SRGAP3: variants seen among roughly 807,000 people sequenced by gnomAD.
SRGAP3 encodes SLIT-ROBO Rho GTPase-activating protein 3.
Under a neutral mutation model 121.1 loss-of-function variants are expected in SRGAP3, and 39 were observed. The observed-to-expected ratio is 0.32, with a 90% CI of 0.25 to 0.42. The LOEUF is 0.42. Ranked by LOEUF, SRGAP3 falls within the 10% of genes least tolerant of loss-of-function variation. SRGAP3 has a pLI of 1.00. For missense variants in SRGAP3, 1,213 were observed against 1,470.6 expected (o/e 0.82, Z 2.86); for synonymous variants, 601 against 570.0 (o/e 1.05, Z -0.77).
At chr3:9,268,136 G>C (rs1303500864) in intron 3 of SRGAP3, among the ~76,000 whole-genome samples, 1 of 152,162 alleles carries the variant, frequency 6.6e-6, no homozygotes, top group African/African-American at 2.4e-5. Flanking sequence ...GCCATGGACA[G>C]AGCTGTGTCC....
At chr3:9,110,405 G>A (rs2124931563) in intron 2 of SRGAP3, among the ~76,000 whole-genome samples, 1 of 152,366 alleles carries the variant, frequency 6.6e-6, no homozygotes, top group African/African-American at 2.4e-5. Context: ...GAAGCCAGCA[G>A]CAAGGAGTTG....
intron 14 of SRGAP3, among the ~76,000 whole-genome samples, chr3:9,023,494 C>A (rs1197753865): frequency 6.6e-6 from 1 of 152,172 alleles, no homozygotes; most frequent in Non-Finnish European, 1.5e-5. Flanking sequence ...CTTCAAGCCT[C>A]AGCTTAGGCA....
intron 1 of SRGAP3, among the ~76,000 whole-genome samples, chr3:9,362,136 A>G (rs1327116035): frequency 6.6e-6 from 1 of 150,674 alleles, no homozygotes; most frequent in African/African-American, 2.4e-5. Context: ...CCAGTCTGTC[A>G]AAATGGCTAC....
intron 14 of SRGAP3, among the ~76,000 whole-genome samples, chr3:9,022,486 G>A (rs1199872913): frequency 6.6e-6 from 1 of 152,200 alleles, no homozygotes. Context: ...CCACCCCGTC[G>A]CCAGGGAAAC....
At chr3:9,024,071 G>T (rs1056191882) in intron 14 of SRGAP3, among the ~76,000 whole-genome samples, 6 of 152,128 alleles carry the variant, frequency 3.9e-5, no homozygotes, top group African/African-American at 1.4e-4. Flanking sequence ...GTAATAAGTA[G>T]GAAGAATTCT....
At chr3:9,048,265 G>C (rs1162633004) in intron 9 of SRGAP3, among the ~76,000 whole-genome samples, 2 of 152,260 alleles carry the variant, frequency 1.3e-5, no homozygotes, top group Admixed American at 6.5e-5. Context: ...ACAGGTGCCA[G>C]CTTCCCCCAC....
At chr3:9,065,077 A>AT (rs1946365703) in intron 4 of SRGAP3, among the ~76,000 whole-genome samples, 1 of 152,126 alleles carries the variant, frequency 6.6e-6, no homozygotes, top group Admixed American at 6.5e-5. Context: ...TGAATGGGAA[A>AT]CATCCTTCTT....
chr3:9,306,070 ATC>A (rs201352155), intron 3 of SRGAP3, among the ~76,000 whole-genome samples: 3,138 of 152,254 alleles, frequency 0.021, 82 homozygotes, highest in East Asian at 0.077. Context: ...CCTCTCCATC[ATC>A]TGTTGTTTCT....
intron 1 of SRGAP3, among the ~76,000 whole-genome samples, chr3:9,150,098 G>A (rs547671242): frequency 6.6e-6 from 1 of 152,292 alleles, no homozygotes; most frequent in African/African-American, 2.4e-5. Context: ...GATAGGGCAA[G>A]TGCAGGGCAC....
chr3:9,345,964 T>C (rs1955883800), intron 1 of SRGAP3, among the ~76,000 whole-genome samples: 1 of 152,182 alleles, frequency 6.6e-6, no homozygotes, highest in Admixed American at 6.5e-5. Flanking sequence ...CTTTAATTCT[T>C]ACAGCAAATG....
At chr3:9,189,020 T>C (rs1397783288) in intron 1 of SRGAP3, among the ~76,000 whole-genome samples, 1 of 152,216 alleles carries the variant, frequency 6.6e-6, no homozygotes, top group Admixed American at 6.5e-5. Context: ...CAGTGACTGC[T>C]ACAGGGTCTT....
chr3:9,079,759 G>C (rs1947152104), intron 4 of SRGAP3, among the ~76,000 whole-genome samples: 1 of 152,182 alleles, frequency 6.6e-6, no homozygotes, highest in Admixed American at 6.5e-5. Flanking sequence ...GTTCTTGCAG[G>C]TAACACGCCC....
intron 18 of SRGAP3, among the ~76,000 whole-genome samples, chr3:9,000,609 T>C (rs1464124511): frequency 6.6e-6 from 1 of 152,162 alleles, no homozygotes; most frequent in East Asian, 1.9e-4. Flanking sequence ...GGCAATCCAG[T>C]GATGGTTCAT....
exon 3 of SRGAP3, chr3:9,326,051 G>A (rs1955512625): frequency 6.6e-6 from 1 of 151,774 alleles, no homozygotes; most frequent in Non-Finnish European, 1.5e-5. Flanking sequence ...GAGTGTGGAG[G>A]GACCTTTCTC....
At chr3:9,004,719 C>G (rs1245973409) in intron 18 of SRGAP3, among the ~76,000 whole-genome samples, 1 of 152,090 alleles carries the variant, frequency 6.6e-6, no homozygotes, top group Non-Finnish European at 1.5e-5. Context: ...ACTGGAGAGC[C>G]ACATACAAAG....
chr3:9,148,262 C>A (rs1365515468), intron 1 of SRGAP3, among the ~76,000 whole-genome samples: 2 of 141,622 alleles, frequency 1.4e-5, no homozygotes, highest in East Asian at 4.1e-4. Flanking sequence ...GAAGAAAACG[C>A]CCTAGAAAAA....
At chr3:9,315,521 A>C (rs974990451) in intron 3 of SRGAP3, among the ~76,000 whole-genome samples, 1 of 152,188 alleles carries the variant, frequency 6.6e-6, no homozygotes, top group Non-Finnish European at 1.5e-5. Flanking sequence ...CTTGAAACGA[A>C]AGGAAGGGTA....
chr3:9,157,777 T>C lies in SRGAP3; in HGVS notation c.68-32860A>G, dbSNP rs115907770. Among the ~76,000 whole-genome samples the C allele has an allele frequency of 8.5e-3, 1,288 of 152,348 alleles. 12 individuals are homozygous for C. Among genetic ancestry groups the C allele is most frequent in the African/African-American group, 0.028 (1,154 of 41,578 alleles). On this transcript the variant is annotated intron_variant, in intron 1 of 21. Transcript: ENST00000383836. ...AGGCTAAACAGTTGAGGACAACTTA[T>C]ACATCTATAACCCACACATATGTAT...
chr3:9,050,854 C>T (rs1945533043), intron 9 of SRGAP3, among the ~76,000 whole-genome samples: 1 of 152,136 alleles, frequency 6.6e-6, no homozygotes, highest in Admixed American at 6.5e-5. Flanking sequence ...TGTTTTCTTC[C>T]TTGACAGGGT....
Sources: gnomAD v4.1 joint callset for allele counts (sites outside exome capture counted in the v4.1 genomes callset) on GRCh38, gnomAD v4.1.1 for gene constraint, MANE v1.5 for transcripts, NCBI Gene and HGNC (gene_info 2026-07-23, HGNC 2026-07-21) for gene names.